Variants in SMAD2 observed in about 807,000 individuals in gnomAD.
SMAD2 encodes the protein MAD homolog 2.
Under a neutral mutation model 64.4 loss-of-function variants are expected in SMAD2, and 8 were observed. That is an observed-to-expected ratio of 0.12 (90% CI 0.07 to 0.22). The LOEUF is 0.22. SMAD2 is among the 10% of genes least tolerant of loss of function. The pLI is 1.00. For synonymous variants in SMAD2, 203 were observed against 195.8 expected (o/e 1.04, Z -0.31); for missense variants, 289 against 561.2 (o/e 0.51, Z 4.90).
chr18:47,859,244 C>G (rs376718579), intron 6 of SMAD2, among the ~76,000 whole-genome samples: 1 of 151,958 alleles, frequency 6.6e-6, no homozygotes, highest in African/African-American at 2.4e-5. Flanking sequence ...AAAATCAGAG[C>G]TGAAAATTTT....
intron 1 of SMAD2, among the ~76,000 whole-genome samples, chr18:47,928,077 A>T (rs1390468897): frequency 6.6e-6 from 1 of 152,146 alleles, no homozygotes; most frequent in Non-Finnish European, 1.5e-5. Context: ...TCAAAAGACT[A>T]AGAATCTAAA....
intron 6 of SMAD2, among the ~76,000 whole-genome samples, chr18:47,854,560 C>T (rs1032974678): frequency 6.6e-6 from 1 of 151,894 alleles, no homozygotes; most frequent in Non-Finnish European, 1.5e-5. Context: ...TATTAACTAT[C>T]TTTTTCTTCT....
In SMAD2 at chr18:47,835,229, G is replaced by C. The variant is rs1913304983; in HGVS notation, c.*6598C>G. On this transcript the variant is annotated 3_prime_UTR_variant, in exon 11 of 11. Coordinates refer to ENST00000262160, the MANE Select transcript of SMAD2 (RefSeq NM_005901.6). ...TGTGAGGTTACACTGGTCTAAGAAA[G>C]TACCAATTTGGGTTCTATATTTTGT... The C allele has an allele frequency of 9.1e-6, 2 of 218,922 alleles. No individual in the cohort carries two copies. The highest frequency in any genetic ancestry group is 1.2e-4 in the Admixed American group (2 of 17,284). 13.6% of individuals were successfully genotyped at this position (218,922 alleles called of 1,614,324 possible).
Position 47,843,953 on chromosome 18 carries a change from C to T in SMAD2, c.1280+1387G>A, listed in dbSNP as rs372139136. Reference sequence around the variant, plus strand: ...CCTACCATATTTTGCATTATTCTAACCTTCTGAAGAACAAAAAAAAGTCTG... The same window carrying T: ...CCTACCATATTTTGCATTATTCTAATCTTCTGAAGAACAAAAAAAAGTCTG... On this transcript the variant is annotated intron_variant, in intron 10 of 10. Coordinates refer to ENST00000262160, the MANE Select transcript of SMAD2 (RefSeq NM_005901.6). Among the ~76,000 whole-genome samples, 8 of 132,294 alleles carry T rather than the reference C, an allele frequency of 6.0e-5. No individual in the cohort carries two copies. The East Asian group carries it at 1.2e-3, about 20-fold the overall frequency. 86.8% of individuals were successfully genotyped at this position (132,294 alleles called of 152,430 possible). A position where few individuals can be genotyped will look rare whatever the true frequency, so the allele number is the denominator to read the frequency against.
At chr18:47,926,121 T>C (rs1379054364) in intron 1 of SMAD2, among the ~76,000 whole-genome samples, 3 of 152,226 alleles carry the variant, frequency 2.0e-5, no homozygotes, top group African/African-American at 4.8e-5. Context: ...GGCTACCCTT[T>C]CAGCTTGGAA....
At chr18:47,856,356 A>C (rs1332124959) in intron 6 of SMAD2, among the ~76,000 whole-genome samples, 3 of 152,220 alleles carry the variant, frequency 2.0e-5, no homozygotes, top group African/African-American at 7.2e-5. Context: ...TCACACACAT[A>C]AAAAGGTGAC....
rs1288179746 is a variant in SMAD2, at chr18:47,831,448, T to G, written c.*10379A>C. The stretch of plus-strand genomic sequence containing the variant: ...TTTTCCTGTCATCACATCTCTTTCC[T>G]AAACTACTTTAGAACTTAAATAATT... On this transcript the variant is annotated 3_prime_UTR_variant, in exon 11 of 11. Transcript: ENST00000262160. 3 of 152,242 alleles carry G rather than the reference T, an allele frequency of 2.0e-5. No individual in the cohort carries two copies. Among genetic ancestry groups the G allele is most frequent in the African/African-American group, 7.2e-5 (3 of 41,462 alleles). 9.4% of individuals were successfully genotyped at this position (152,242 alleles called of 1,614,324 possible).
rs1912449228 is a variant in SMAD2 at position 47,818,501 on chromosome 18, T to A, written c.*23326A>T. ...GGTATCTCTGGTATAGCATAAAAAT[T>A]GCTTGCCTGCTATGCAAAGGCTAAA... On this transcript the variant is annotated 3_prime_UTR_variant, in exon 11 of 11. Coordinates refer to ENST00000262160, the MANE Select transcript of SMAD2 (RefSeq NM_005901.6). The A allele has an allele frequency of 6.6e-6, 1 of 152,184 alleles. No individual in the cohort carries two copies. Among genetic ancestry groups the A allele is most frequent in the South Asian group, 2.1e-4 (1 of 4,826 alleles). 9.4% of individuals were successfully genotyped at this position (152,184 alleles called of 1,614,324 possible).
chr18:47,851,350 TA>T, intron 6 of SMAD2, 23 bp from the exon 7 acceptor site: 1 of 1,529,378 alleles, frequency 6.5e-7, no homozygotes, highest in Non-Finnish European at 9.1e-7. Flanking sequence ...GATTTAAAAA[TA>T]AATGAAGTAT....
In SMAD2 at chr18:47,889,963, A is replaced by C. The variant is rs145466792; in HGVS notation, c.236+6558T>G. Among the ~76,000 whole-genome samples the C allele has an allele frequency of 2.9e-3, 442 of 152,316 alleles. 1 individual carries two copies. The highest frequency in any genetic ancestry group is 0.014 in the Middle Eastern group (4 of 294). The stretch of plus-strand genomic sequence containing the variant: ...TAAAATTACAGAAATTGATTAATTT[A>C]GGTATAATTTCAGTAATTTTTATAA... On this transcript the variant is annotated intron_variant, in intron 2 of 10. Transcript: ENST00000262160.
At position 47,829,982 on chromosome 18, in the gene SMAD2, CCACT is replaced by C. The variant is rs1912923996; in HGVS notation, c.*11841_*11844del. On this transcript the variant is annotated 3_prime_UTR_variant, in exon 11 of 11. Transcript: ENST00000262160. ...AAGTAACTTGCAGCAGCAAATTCCC[CCACT>C]GACAACTTCAAAGCATAGCAAGAAT... The C allele has an allele frequency of 6.6e-6, 1 of 152,168 alleles. No individual in the cohort carries two copies. Among genetic ancestry groups the C allele is most frequent in the Non-Finnish European group, 1.5e-5 (1 of 68,030 alleles). 9.4% of individuals were successfully genotyped at this position (152,168 alleles called of 1,614,324 possible).
chr18:47,856,132 A>G (rs1478751202), intron 6 of SMAD2, among the ~76,000 whole-genome samples: 1 of 122,278 alleles, frequency 8.2e-6, no homozygotes, highest in African/African-American at 2.9e-5. Flanking sequence ...GCATAATCTC[A>G]TATGTGGGGT....
At chr18:47,850,826 ATATATATTATGTATATTATATAT>A (rs1327917130) in intron 7 of SMAD2, among the ~76,000 whole-genome samples, 7,412 of 34,556 alleles carry the variant, frequency 0.21, 1,587 homozygotes, top group Non-Finnish European at 0.23. Context: ...ATTATATATT[ATATATATTATGTATATTATATAT>A]TATATATATT....
chr18:47,911,788 C>T (rs2034146108), intron 1 of SMAD2, among the ~76,000 whole-genome samples: 1 of 152,178 alleles, frequency 6.6e-6, no homozygotes, highest in Admixed American at 6.5e-5. Context: ...TAATACGACA[C>T]ATAAATAAGC....
rs1875978012 is a variant in SMAD2 at position 47,823,075 on chromosome 18, C to T, written c.*18752G>A. On this transcript the variant is annotated 3_prime_UTR_variant, in exon 11 of 11. Transcript: ENST00000262160. Reference sequence around the variant, plus strand: ...TTATAACAGGATACAATTGGAAACACTGGTTGTATTACCAAGGCTTTGATT... The same window carrying T: ...TTATAACAGGATACAATTGGAAACATTGGTTGTATTACCAAGGCTTTGATT... 1 of 152,202 alleles carries T rather than the reference C, an allele frequency of 6.6e-6. No individual in the cohort carries two copies. Among genetic ancestry groups the T allele is most frequent in the Admixed American group, 6.5e-5 (1 of 15,284 alleles). 9.4% of individuals were successfully genotyped at this position (152,202 alleles called of 1,614,324 possible).
At chr18:47,878,563 C>G (rs1787198) in intron 2 of SMAD2, 66,635 of 151,944 alleles carry the variant, frequency 0.44, 15,589 homozygotes, top group East Asian at 0.59. Context: ...TCAGGAGTTT[C>G]AGGCCACAGT....
intron 1 of SMAD2, among the ~76,000 whole-genome samples, chr18:47,902,801 A>T (rs1260588215): frequency 1.3e-5 from 2 of 152,216 alleles, no homozygotes; most frequent in East Asian, 3.8e-4. Context: ...CCAAGTGTTG[A>T]GCCTTGAGAG....
chr18:47,894,691 A>G (rs1031834741), intron 2 of SMAD2, among the ~76,000 whole-genome samples: 1 of 152,198 alleles, frequency 6.6e-6, no homozygotes, highest in Admixed American at 6.5e-5. Flanking sequence ...TACTTCTTTT[A>G]TAACATCTAC....
At chr18:47,879,958 T>G (rs1289787428) in intron 2 of SMAD2, among the ~76,000 whole-genome samples, 1 of 152,222 alleles carries the variant, frequency 6.6e-6, no homozygotes, top group African/African-American at 2.4e-5. Flanking sequence ...CATTTTTCCA[T>G]TTCTTTACTG....
Sources: gnomAD v4.1 joint callset for allele counts (sites outside exome capture counted in the v4.1 genomes callset) on GRCh38, gnomAD v4.1.1 for gene constraint, MANE v1.5 for transcripts, NCBI Gene and HGNC (gene_info 2026-07-23, HGNC 2026-07-21) for gene names.